Variants in DYSF observed in about 807,000 individuals in gnomAD.
The protein encoded by DYSF is dystrophy-associated fer-1-like 1.
A neutral mutation model predicts 274.9 loss-of-function variants in DYSF; 212 were observed. The ratio of observed to expected loss-of-function variants is 0.77; its 90% CI spans 0.69 to 0.86. The LOEUF is 0.86. Ranked by LOEUF, DYSF falls within the 40% of genes least tolerant of loss-of-function variation. The pLI is 0.00. For synonymous variants in DYSF, 1,091 were observed against 1,078.7 expected (o/e 1.01, Z -0.22); for missense variants, 2,666 against 2,783.2 (o/e 0.96, Z 0.95).
In DYSF at chr2:71,543,488, A is replaced by C. The variant is rs1401458881; in HGVS notation, c.1576+4249A>C. On this transcript the variant is annotated intron_variant, in intron 17 of 55. Transcript: ENST00000410020. ...GCCGGGCAGAGGCTGCGATCTCGGC[A>C]CTTTGGGAGGCCAAGGCAGGCGGCT... 2.6e-5 allele frequency among the ~76,000 whole-genome samples: 4 copies of C among 152,154 alleles called. No homozygotes were observed. In the East Asian group the frequency reaches 7.7e-4, roughly 29 times the overall value.
intron 10 of DYSF, among the ~76,000 whole-genome samples, chr2:71,518,399 G>A (rs1013572152): frequency 7.9e-5 from 12 of 151,448 alleles, no homozygotes; most frequent in African/African-American, 2.9e-4. Flanking sequence ...TGGGATTAGA[G>A]GCGTGTGCTA....
chr2:71,544,254 C>CAT (rs2090275981), intron 17 of DYSF, among the ~76,000 whole-genome samples: 2 of 152,074 alleles, frequency 1.3e-5, no homozygotes, highest in Non-Finnish European at 2.9e-5. Context: ...GTATCTCTCA[C>CAT]AGATAGGGTG....
intron 5 of DYSF, among the ~76,000 whole-genome samples, chr2:71,512,998 G>A (rs968170461): frequency 2.6e-5 from 4 of 152,156 alleles, no homozygotes; most frequent in African/African-American, 7.2e-5. Flanking sequence ...CGAATACTCT[G>A]GGACTGTGTT....
At chr2:71,668,084 AGAG>A (rs2095049520) in intron 48 of DYSF, among the ~76,000 whole-genome samples, 1 of 152,050 alleles carries the variant, frequency 6.6e-6, no homozygotes, top group Admixed American at 6.5e-5. Context: ...GGGTTTTGGA[AGAG>A]GAGAAGGGGA....
rs2303592 is a variant in DYSF at position 71,550,938 on chromosome 2, G to A, written c.1577-103G>A. On this transcript the variant is annotated intron_variant, in intron 17 of 55. Coordinates refer to ENST00000410020, the MANE Select transcript of DYSF (RefSeq NM_001130987.2). The stretch of plus-strand genomic sequence containing the variant: ...GGAGCTGCATCTGGTGCATGTGGGG[G>A]GGAACTGAGGGCCAGGGGTGGGCTC... 33,581 of 919,346 alleles carry A rather than the reference G, an allele frequency of 0.037. 964 individuals carry two copies. The highest frequency in any genetic ancestry group is 0.12 in the African/African-American group (7,426 of 61,598). The allele number at this position is 919,346 out of a possible 1,614,324, so 56.9% of individuals were successfully genotyped here.
chr2:71,465,308 C>T (rs1037834816), upstream of DYSF, among the ~76,000 whole-genome samples: 2 of 152,120 alleles, frequency 1.3e-5, no homozygotes, highest in Admixed American at 1.3e-4. Flanking sequence ...CAGGAGAGAA[C>T]TCACAGGATT....
intron 17 of DYSF, among the ~76,000 whole-genome samples, chr2:71,545,444 C>T (rs968690730): frequency 6.6e-6 from 1 of 152,200 alleles, no homozygotes; most frequent in African/African-American, 2.4e-5. Flanking sequence ...CCAGCCCCTC[C>T]CTTCCTCGCT....
At chr2:71,564,250 TTCCCAACATAA>T in intron 24 of DYSF, 37 bp downstream of exon 24, 1 of 1,613,910 alleles carries the variant, frequency 6.2e-7, no homozygotes, top group Non-Finnish European at 8.5e-7. Flanking sequence ...GATCGTATTT[TTCCCAACATAA>T]GGCCTTTCTC....
intron 3 of DYSF, 112 bp from the exon 4 acceptor site, chr2:71,503,102 C>A: frequency 2.1e-6 from 2 of 937,702 alleles, no homozygotes; most frequent in Non-Finnish European, 3.5e-6. Flanking sequence ...TGCTGGGTGA[C>A]TGTGTGGTCT....
intron 36 of DYSF, among the ~76,000 whole-genome samples, chr2:71,604,133 C>T (rs1317318214): frequency 6.6e-6 from 1 of 152,080 alleles, no homozygotes; most frequent in Admixed American, 6.5e-5. Context: ...CAAGGAGGAC[C>T]TATCCCAGTG....
chr2:71,551,021 T>C lies in DYSF; in HGVS notation c.1577-20T>C. On this transcript the variant is annotated intron_variant, in intron 17 of 55. Coordinates refer to ENST00000410020, the MANE Select transcript of DYSF (RefSeq NM_001130987.2). Reference sequence around the variant, plus strand: ...AGCCCCACTGGGCCGACCCCTCTGATTGCCACTTGTGTCTCCCAGTGGATG... The same window carrying C: ...AGCCCCACTGGGCCGACCCCTCTGACTGCCACTTGTGTCTCCCAGTGGATG... The C allele has an allele frequency of 6.2e-7, 1 of 1,608,740 alleles. No individual in the cohort carries two copies.
intron 41 of DYSF, among the ~76,000 whole-genome samples, chr2:71,638,901 A>G (rs1273299741): frequency 1.3e-5 from 2 of 152,238 alleles, no homozygotes; most frequent in Non-Finnish European, 2.9e-5. Flanking sequence ...GTTTTGAGGA[A>G]CTGCCAAACT....
At chr2:71,570,428 C>T in intron 28 of DYSF, 94 bp downstream of exon 28, 2 of 1,451,258 alleles carry the variant, frequency 1.4e-6, no homozygotes, top group Non-Finnish European at 1.9e-6. Context: ...CTTCACTGGG[C>T]TATTTCACCC....
chr2:71,669,858 C>G, intron 51 of DYSF, 112 bp downstream of exon 51: 2 of 1,438,628 alleles, frequency 1.4e-6, no homozygotes, highest in Middle Eastern at 2.3e-4. Context: ...GCTGCCCCAC[C>G]ATGTTGGAGC....
intron 42 of DYSF, among the ~76,000 whole-genome samples, chr2:71,645,780 T>G (rs2094558636): frequency 6.6e-6 from 1 of 152,112 alleles, no homozygotes; most frequent in African/African-American, 2.4e-5. Context: ...TTTCACTTAC[T>G]AAATCTGGCA....
intron 1 of DYSF, among the ~76,000 whole-genome samples, chr2:71,472,498 C>G (rs1050035200): frequency 2.0e-5 from 3 of 152,204 alleles, no homozygotes; most frequent in Non-Finnish European, 2.9e-5. Flanking sequence ...GCTCTGCCTC[C>G]CGGGTTCACG....
chr2:71,570,243 G>A lies in DYSF; in HGVS notation c.2994G>A (p.Val998=), dbSNP rs921273781. ...TTTGTCCTTAGAACGGGGAGAAGGT[G>A]CTTCCCAAGGATGACATTGAGTGCC... ...DNYTDVNGEK[V]LPKDDIECPL... is the part of the protein sequence containing the mutation. Residue 998 remains valine (V), a synonymous_variant, in exon 28 of 56, where the codon GTG becomes GTA. Transcript: ENST00000410020. 2 of 1,614,018 alleles carry A rather than the reference G, an allele frequency of 1.2e-6. No individual in the cohort carries two copies. Among genetic ancestry groups the A allele is most frequent in the African/African-American group, 2.7e-5 (2 of 74,906 alleles).
At chr2:71,620,037 A>G (rs2094058120) in intron 40 of DYSF, among the ~76,000 whole-genome samples, 1 of 152,228 alleles carries the variant, frequency 6.6e-6, no homozygotes, top group African/African-American at 2.4e-5. Context: ...GTTTTGGGGA[A>G]GACATATGAT....
At chr2:71,528,581 G>A (rs1244782629) in intron 14 of DYSF, among the ~76,000 whole-genome samples, 180 bp downstream of exon 14, 5 of 152,140 alleles carry the variant, frequency 3.3e-5, no homozygotes, top group African/African-American at 1.2e-4. Context: ...GGACTGCCCC[G>A]CACACGAATG....
Sources: gnomAD v4.1 joint callset for allele counts (sites outside exome capture counted in the v4.1 genomes callset) on GRCh38, gnomAD v4.1.1 for gene constraint, MANE v1.5 for transcripts, NCBI Gene and HGNC (gene_info 2026-07-23, HGNC 2026-07-21) for gene names.